The following LMF1 variants were observed in gnomAD, a reference collection of about 807,000 sequenced individuals.
The protein encoded by LMF1 is transmembrane protein 112.
LMF1 carries 68 observed loss-of-function variants against 60.6 expected under a neutral mutation model. The ratio of observed to expected loss-of-function variants is 1.12; its 90% confidence interval spans 0.92 to 1.37. The LOEUF (loss-of-function observed/expected upper bound fraction) is 1.37, where lower values mean the gene tolerates loss of function less well. LMF1 is among the 40% of genes most tolerant of loss of function. The pLI is 0.00. For missense variants in LMF1, 948 were observed against 767.2 expected (o/e 1.24, Z -2.78); for synonymous variants, 418 against 324.7 (o/e 1.29, Z -3.09).
rs1336865521 is a variant in LMF1 at position 922,769 on chromosome 16, C to G, written c.514+11475G>C. 5.8e-5 allele frequency among the ~76,000 whole-genome samples: 7 copies of G among 120,920 alleles called. 1 individual carries two copies. Among genetic ancestry groups the G allele is most frequent in the African/African-American group, 2.2e-4 (6 of 27,148 alleles). 79.3% of individuals were successfully genotyped at this position (120,920 alleles called of 152,430 possible). A position where few individuals can be genotyped will look rare whatever the true frequency, so the allele number is the denominator to read the frequency against. Reference sequence around the variant, plus strand: ...TTGGCGTCGTGTTGTTGCGAAGGCCCTGTGTGAAAGTCGCCTGGGTTTTCG... The same window carrying G: ...TTGGCGTCGTGTTGTTGCGAAGGCCGTGTGTGAAAGTCGCCTGGGTTTTCG... On this transcript the variant is annotated intron_variant, in intron 3 of 10. Coordinates refer to ENST00000262301, the MANE Select transcript of LMF1 (RefSeq NM_022773.4).
intron 2 of LMF1, among the ~76,000 whole-genome samples, chr16:940,691 A>G (rs1367849333): frequency 6.6e-6 from 1 of 152,268 alleles, no homozygotes; most frequent in Non-Finnish European, 1.5e-5. Flanking sequence ...ACGCAGTCTC[A>G]GAACCGCAAC....
At chr16:950,387 T>G (rs376922350) in intron 2 of LMF1, among the ~76,000 whole-genome samples, 1 of 91,568 alleles carries the variant, frequency 1.1e-5, no homozygotes, top group Non-Finnish European at 2.0e-5. Context: ...AGTCAGCCAA[T>G]GACAGAGTCA....
At chr16:921,597 C>T (rs2071433182) in intron 3 of LMF1, among the ~76,000 whole-genome samples, 2 of 152,190 alleles carry the variant, frequency 1.3e-5, no homozygotes, top group Admixed American at 6.5e-5. Context: ...TCTGGGGTGA[C>T]GGCCACTCCC....
intron 3 of LMF1, among the ~76,000 whole-genome samples, chr16:917,830 G>A (rs1024962672): frequency 6.6e-6 from 1 of 152,236 alleles, no homozygotes; most frequent in Non-Finnish European, 1.5e-5. Context: ...ACCAGGCTGT[G>A]TCTGGAGTGG....
Position 870,959 on chromosome 16 carries a change from G to A in LMF1, c.1079-77C>T, listed in dbSNP as rs569427527. The A allele has an allele frequency of 5.5e-5, 82 of 1,503,636 alleles. No homozygotes were observed. In the African/African-American group the frequency reaches 1.1e-3, roughly 19 times the overall value. The allele number at this position is 1,503,636 out of a possible 1,614,324, so 93.1% of individuals were successfully genotyped here. ...TGTCCCTGGGGAGACCCCAGCTGCTGCTCCCTAAGGGTCAGCTGTCCTGGG... is the reference window on the plus strand; with the variant it reads ...TGTCCCTGGGGAGACCCCAGCTGCTACTCCCTAAGGGTCAGCTGTCCTGGG... On this transcript the variant is annotated intron_variant, in intron 7 of 10. Transcript: ENST00000262301.
At chr16:904,453 C>T (rs1201901150) in intron 4 of LMF1, among the ~76,000 whole-genome samples, 40 of 111,098 alleles carry the variant, frequency 3.6e-4, no homozygotes, top group African/African-American at 1.5e-3. Context: ...CCTGTGGGGA[C>T]GCCCGTCTCT....
intron 3 of LMF1, among the ~76,000 whole-genome samples, chr16:923,716 G>A (rs968596614): frequency 2.6e-5 from 4 of 152,202 alleles, no homozygotes; most frequent in Non-Finnish European, 5.9e-5. Flanking sequence ...AATGGGCAGA[G>A]GGACAAACTC....
intron 3 of LMF1, among the ~76,000 whole-genome samples, chr16:926,510 G>GT (rs1270585396): frequency 1.3e-5 from 2 of 152,250 alleles, no homozygotes; most frequent in African/African-American, 4.8e-5. Flanking sequence ...TTGCACGTCT[G>GT]TGTTTGGGTA....
chr16:971,345 C>T (rs1376029540), upstream of LMF1, among the ~76,000 whole-genome samples: 1 of 152,234 alleles, frequency 6.6e-6, no homozygotes, highest in African/African-American at 2.4e-5. Flanking sequence ...AGGCGCCTTC[C>T]CAGCTGTGGT....
intron 4 of LMF1, among the ~76,000 whole-genome samples, chr16:894,419 A>C (rs1471054861): frequency 3.2e-5 from 2 of 61,682 alleles, no homozygotes; most frequent in African/African-American, 1.5e-4. Flanking sequence ...CCGTCCGTCG[A>C]CTCATCCCCT....
At chr16:948,530 A>C (rs1196308743) in intron 2 of LMF1, among the ~76,000 whole-genome samples, 5 of 151,910 alleles carry the variant, frequency 3.3e-5, no homozygotes, top group Non-Finnish European at 5.9e-5. Context: ...CCAACGACAG[A>C]GTCAGCCAAT....
rs1453197857 is a variant in LMF1, at chr16:854,162, T to TA, written c.*369dup. 6.1e-6 allele frequency: 3 copies of TA among 489,680 alleles called. No individual in the cohort carries two copies. The highest frequency in any genetic ancestry group is 1.2e-5 in the Non-Finnish European group (3 of 250,942). The allele number at this position is 489,680 out of a possible 1,614,324, so 30.3% of individuals were successfully genotyped here. A position where few individuals can be genotyped will look rare whatever the true frequency, so the allele number is the denominator to read the frequency against. On this transcript the variant is annotated 3_prime_UTR_variant, in exon 11 of 11. Coordinates refer to ENST00000262301, the MANE Select transcript of LMF1 (RefSeq NM_022773.4). ...CTGGGACGCTAGAGACCCCAAGAGC[T>TA]ACCTGGCTGGGTCTATGGTCAGGGC...
At chr16:917,606 C>T (rs1040299104) in intron 3 of LMF1, among the ~76,000 whole-genome samples, 7 of 152,360 alleles carry the variant, frequency 4.6e-5, no homozygotes, top group East Asian at 1.9e-4. Flanking sequence ...TGTCCAGGCC[C>T]GCTGACCCCT....
At chr16:857,515 G>A (rs1172827920) in intron 10 of LMF1, among the ~76,000 whole-genome samples, 5 of 111,410 alleles carry the variant, frequency 4.5e-5, no homozygotes, top group African/African-American at 1.6e-4. Flanking sequence ...GTCTCGGGAC[G>A]GGTGTGAGTG....
At position 897,404 on chromosome 16, in the gene LMF1, G is replaced by C. The variant is rs943110320; in HGVS notation, c.664-4332C>G. ...CACCGGCTAACGTGGTGTTTGAGGA[G>C]GGGGCGCCGCCAGGCCTCCCTCCGA... On this transcript the variant is annotated intron_variant, in intron 4 of 10. Transcript: ENST00000262301. This position sits in a 1 kb window ranked among gnomAD's most constrained non-coding sequence, Gnocchi z 4.3. 1.3e-5 allele frequency among the ~76,000 whole-genome samples: 2 copies of C among 152,168 alleles called. No homozygotes were observed. Among genetic ancestry groups the C allele is most frequent in the Non-Finnish European group, 2.9e-5 (2 of 68,034 alleles).
chr16:895,488 C>T (rs896546314), intron 4 of LMF1, among the ~76,000 whole-genome samples: 5 of 152,186 alleles, frequency 3.3e-5, no homozygotes, highest in Admixed American at 2.0e-4. Flanking sequence ...CCAGGCAGGA[C>T]GGGAGCCGCC....
At chr16:943,746 A>AAAT (rs1341860317) in intron 2 of LMF1, among the ~76,000 whole-genome samples, 1 of 151,544 alleles carries the variant, frequency 6.6e-6, no homozygotes, top group African/African-American at 2.4e-5. Flanking sequence ...AAAAAAAAAA[A>AAAT]AAAAGAGGAA....
At chr16:875,141 G>A (rs2069936777) in intron 6 of LMF1, among the ~76,000 whole-genome samples, 2 of 152,136 alleles carry the variant, frequency 1.3e-5, no homozygotes, top group Admixed American at 1.3e-4. Flanking sequence ...AGGCCTGGAA[G>A]GGAGGCGCTG....
In LMF1 at chr16:855,329, A is replaced by AC. The variant is rs549341774; in HGVS notation, c.1530-624dup. The AC allele has an allele frequency of 1.4e-4, 39 of 270,060 alleles. No individual in the cohort carries two copies. The East Asian group carries it at 1.6e-3, about 11-fold the overall frequency. 16.7% of individuals were successfully genotyped at this position (270,060 alleles called of 1,614,324 possible). On this transcript the variant is annotated intron_variant, in intron 10 of 10. Coordinates refer to ENST00000262301, the MANE Select transcript of LMF1 (RefSeq NM_022773.4). Reference sequence around the variant, plus strand: ...ATGCCCGAGTGGGATGAAGGCCCCCACCCCCATCTCCCCTGGAGCAGGGTA... The same window carrying AC: ...ATGCCCGAGTGGGATGAAGGCCCCCACCCCCCATCTCCCCTGGAGCAGGGTA...
Sources: gnomAD v4.1 joint callset for allele counts (sites outside exome capture counted in the v4.1 genomes callset) on GRCh38, gnomAD v4.1.1 for gene constraint, Gnocchi (gnomAD v3.1) non-coding constraint, MANE v1.5 for transcripts, NCBI Gene and HGNC (gene_info 2026-07-23, HGNC 2026-07-21) for gene names.